Variants in GPM6B observed in about 807,000 individuals in gnomAD.
GPM6B encodes the protein glycoprotein M6B.
In GPM6B, 4 loss-of-function variants were observed where a neutral mutation model predicts 27.2. That is an observed-to-expected ratio of 0.15 (90% CI 0.07 to 0.34). The LOEUF is 0.34. GPM6B is among the 10% of genes least tolerant of loss of function. GPM6B has a pLI of 1.00. For missense variants in GPM6B, 183 were observed against 261.9 expected, an observed-to-expected ratio of 0.70 and a Z score of 2.08; for synonymous variants, 124 against 103.1, an observed-to-expected ratio of 1.20 and a Z score of -1.23.
At chrX:13,821,482 G>A (rs760715416), upstream of GPM6B, among the ~76,000 whole-genome samples, 6 of 112,697 alleles carry the variant, frequency 5.3e-5, no homozygotes, top group South Asian at 2.2e-3. Context: ...GACCTCTATG[G>A]ACATCGTCCT....
rs752561537 is a variant in GPM6B, at chrX:13,871,435, G to A, written c.-198+66892C>T. Among the ~76,000 whole-genome samples, 7 of 112,196 alleles carry A rather than the reference G, an allele frequency of 6.2e-5. No individual in the cohort carries two copies. The South Asian group carries it at 2.6e-3, about 42-fold the overall frequency. ...GGCTTGGGAAAGGCCCTGGGCATCTGACACATTTTTAAACCTTCCCCCGTG... is the reference window on the plus strand; with the variant it reads ...GGCTTGGGAAAGGCCCTGGGCATCTAACACATTTTTAAACCTTCCCCCGTG... On this transcript the variant is annotated intron_variant, in intron 1 of 6. Transcript: ENST00000398361.
intron 2 of GPM6B, among the ~76,000 whole-genome samples, chrX:13,805,399 T>G (rs2049003420): frequency 8.9e-6 from 1 of 112,250 alleles, no homozygotes; most frequent in South Asian, 3.7e-4. Flanking sequence ...CAAGGAGTTG[T>G]TTATAGTCTT....
intron 1 of GPM6B, among the ~76,000 whole-genome samples, chrX:13,879,675 T>C (rs1306752189): frequency 1.8e-5 from 2 of 112,210 alleles, no homozygotes; most frequent in African/African-American, 6.5e-5. Flanking sequence ...AAGATTACAA[T>C]GAAAGGAGTA....
chrX:13,779,144 C>A (rs15990), intron 5 of GPM6B, among the ~76,000 whole-genome samples: 28,461 of 110,502 alleles, frequency 0.26, 2,890 homozygotes, highest in Non-Finnish European at 0.32. Flanking sequence ...CCCTCTCTTA[C>A]TCAGCAGCGA....
At chrX:13,797,177 T>C (rs1184469252) in intron 2 of GPM6B, among the ~76,000 whole-genome samples, 1 of 112,386 alleles carries the variant, frequency 8.9e-6, no homozygotes, top group African/African-American at 3.2e-5. Context: ...GTCCAATACC[T>C]GCCATGTGCA....
At chrX:13,833,659 TA>T (rs2049465661) in intron 1 of GPM6B, among the ~76,000 whole-genome samples, 1 of 111,078 alleles carries the variant, frequency 9.0e-6, no homozygotes, top group Admixed American at 9.6e-5. Context: ...CCCAGGAGTT[TA>T]AGGCTGCAGT....
intron 1 of GPM6B, among the ~76,000 whole-genome samples, chrX:13,809,350 T>C (rs888787236): frequency 8.9e-6 from 1 of 112,181 alleles, no homozygotes; most frequent in Admixed American, 9.4e-5. Context: ...GTTAACCCAA[T>C]GAGAGTTTTT....
intron 1 of GPM6B, among the ~76,000 whole-genome samples, chrX:13,838,422 G>C (rs1045299407): frequency 1.8e-5 from 2 of 112,685 alleles, no homozygotes; most frequent in African/African-American, 6.4e-5. Flanking sequence ...CTCAATTTGA[G>C]GGTGAGAAAT....
intron 1 of GPM6B, among the ~76,000 whole-genome samples, chrX:13,832,965 A>C (rs369117125): frequency 1.8e-5 from 2 of 112,163 alleles, no homozygotes; most frequent in East Asian, 5.6e-4. Flanking sequence ...TCTCAGAGGA[A>C]AGGTCAAAAT....
At position 13,772,739 on chromosome X, in the gene GPM6B, T is replaced by TA; in HGVS notation, c.*141dup. 4.3e-6 allele frequency: 2 copies of TA among 465,917 alleles called. No homozygotes were observed. The highest frequency in any genetic ancestry group is 1.4e-4 in the South Asian group (2 of 14,312). The allele number at this position is 465,917 out of a possible 1,213,427, so 38.4% of individuals were successfully genotyped here. A position where few individuals can be genotyped will look rare whatever the true frequency, so the allele number is the denominator to read the frequency against. ...ACCCACTGGAAGGTTTTCCTAGAGA[T>TA]ACATCCCAGCAGCTTGAGACAGACA... On this transcript the variant is annotated 3_prime_UTR_variant, in exon 8 of 8. Coordinates refer to ENST00000316715, the MANE Select transcript of GPM6B (RefSeq NM_001001995.3).
intron 1 of GPM6B, among the ~76,000 whole-genome samples, chrX:13,898,226 T>C (rs749198736): frequency 4.4e-4 from 49 of 111,763 alleles, no homozygotes; most frequent in Admixed American, 9.5e-5. Flanking sequence ...GTAGACTATT[T>C]AGCAGCATCC....
intron 1 of GPM6B, among the ~76,000 whole-genome samples, chrX:13,916,527 G>A (rs887415338): frequency 2.7e-5 from 3 of 111,459 alleles, no homozygotes; most frequent in Non-Finnish European, 5.6e-5. Context: ...GTGGTTAAGG[G>A]CAGCCACAAA....
chrX:13,822,668 G>A (rs765941267), intron 1 of GPM6B, among the ~76,000 whole-genome samples: 2 of 110,123 alleles, frequency 1.8e-5, no homozygotes, highest in South Asian at 7.8e-4. Context: ...GAGTCACCAC[G>A]CCTGGTCTTG....
At chrX:13,779,082 T>A (rs1374915189) in intron 5 of GPM6B, among the ~76,000 whole-genome samples, 1 of 111,030 alleles carries the variant, frequency 9.0e-6, no homozygotes, top group Non-Finnish European at 1.9e-5. Flanking sequence ...CCATGGTGGC[T>A]GGAAGCAGTA....
At chrX:13,886,845 C>T (rs2050141638) in intron 1 of GPM6B, among the ~76,000 whole-genome samples, 1 of 108,521 alleles carries the variant, frequency 9.2e-6, no homozygotes, top group Non-Finnish European at 1.9e-5. Context: ...GAGATGGAGT[C>T]TCACTCTATC....
At chrX:13,844,608 G>C (rs2049621473) in intron 1 of GPM6B, among the ~76,000 whole-genome samples, 1 of 111,754 alleles carries the variant, frequency 8.9e-6, no homozygotes, top group African/African-American at 3.3e-5. Context: ...GCCAAGCCCT[G>C]GACACAAAGA....
rs139190974 is a variant in GPM6B at position 13,875,790 on chromosome X, G to C, written c.-198+62537C>G. On this transcript the variant is annotated intron_variant, in intron 1 of 6. Coordinates refer to the GPM6B transcript ENST00000398361. ...AGACACGGTAGGCCACATGTTGTGT[G>C]ATTCTATTTATATGAAATGTCCAGG... Among the ~76,000 whole-genome samples, 775 of 112,242 alleles carry C rather than the reference G, an allele frequency of 6.9e-3. 9 individuals are homozygous for C. Among genetic ancestry groups the C allele is most frequent in the African/African-American group, 0.024 (745 of 30,862 alleles).
At chrX:13,895,358 C>T (rs758958604) in intron 1 of GPM6B, among the ~76,000 whole-genome samples, 1 of 109,638 alleles carries the variant, frequency 9.1e-6, no homozygotes, top group East Asian at 2.8e-4. Context: ...GCTTCATTTC[C>T]CTAGAGGAGA....
intron 1 of GPM6B, among the ~76,000 whole-genome samples, chrX:13,929,329 C>T (rs10482327): frequency 0.018 from 2,000 of 110,837 alleles, 46 homozygotes; most frequent in African/African-American, 0.063. Flanking sequence ...GCCTCATTAT[C>T]GAGATGGTTT....
Sources: allele counts gnomAD v4.1 joint callset (sites outside exome capture counted in the v4.1 genomes callset), GRCh38; gene constraint gnomAD v4.1.1; transcripts MANE v1.5; gene names NCBI Gene and HGNC (gene_info 2026-07-23, HGNC 2026-07-21).